ZNF624: variants seen among roughly 807,000 people sequenced by gnomAD.
The protein encoded by ZNF624 is zinc finger protein 624.
ZNF624 carries 43 observed loss-of-function variants against 74.7 expected under a neutral mutation model. The ratio of observed to expected loss-of-function variants is 0.58; its 90% confidence interval spans 0.45 to 0.74. The LOEUF (loss-of-function observed/expected upper bound fraction) is 0.74, where lower values mean the gene tolerates loss of function less well. ZNF624 is among the 30% of genes least tolerant of loss of function. The pLI is 0.00. For missense variants in ZNF624, 820 were observed against 1,030.0 expected (o/e 0.80, Z 2.79); for synonymous variants, 331 against 341.3 (o/e 0.97, Z 0.33).
chr17:16,652,293 G>A (rs1157089222), intron 1 of ZNF624, among the ~76,000 whole-genome samples: 2 of 151,996 alleles, frequency 1.3e-5, no homozygotes, highest in Non-Finnish European at 2.9e-5. Flanking sequence ...AGTTTTACAA[G>A]GTTGCAAAGA....
chr17:16,617,653 G>C, downstream of ZNF624: 2 of 1,606,612 alleles, frequency 1.2e-6, no homozygotes, highest in South Asian at 1.1e-5. Flanking sequence ...TAGCTGTCGC[G>C]ATTGCGACGC....
chr17:16,630,810 A>C (rs553884546), intron 5 of ZNF624, among the ~76,000 whole-genome samples: 5 of 150,994 alleles, frequency 3.3e-5, no homozygotes, highest in African/African-American at 1.2e-4. Flanking sequence ...TTTACATAAT[A>C]ACACAGCTTC....
At chr17:16,633,622 A>C (rs1450190476) in intron 5 of ZNF624, among the ~76,000 whole-genome samples, 2 of 152,158 alleles carry the variant, frequency 1.3e-5, no homozygotes, top group Non-Finnish European at 2.9e-5. Context: ...AATAATAATT[A>C]CGAAAAGCAC....
intron 1 of ZNF624, among the ~76,000 whole-genome samples, chr17:16,652,539 A>C (rs1354520290): frequency 6.6e-6 from 1 of 152,020 alleles, no homozygotes; most frequent in African/African-American, 2.4e-5. Context: ...ACATATGTTT[A>C]ACAACCAAAC....
chr17:16,633,736 G>A (rs1227895149), intron 5 of ZNF624, 126 bp downstream of exon 5: 11 of 649,676 alleles, frequency 1.7e-5, no homozygotes, highest in Non-Finnish European at 2.8e-5. Flanking sequence ...TGAGATGGGG[G>A]ATCTCTTCCT....
At chr17:16,620,260 C>T (rs1318061960), downstream of ZNF624, among the ~76,000 whole-genome samples, 1 of 152,148 alleles carries the variant, frequency 6.6e-6, no homozygotes, top group Admixed American at 6.5e-5. Context: ...TTACTCTAGG[C>T]CCCTCCTAGC....
At chr17:16,636,009 C>A (rs1254493692) in intron 3 of ZNF624, among the ~76,000 whole-genome samples, 1 of 152,106 alleles carries the variant, frequency 6.6e-6, no homozygotes, top group Non-Finnish European at 1.5e-5. Context: ...GGAACCAGGG[C>A]CTAGAATACC....
rs183382259 is a variant in ZNF624 at position 16,644,158 on chromosome 17, T to C, written c.153+3171A>G. Among the ~76,000 whole-genome samples, 325 of 152,332 alleles carry C rather than the reference T, an allele frequency of 2.1e-3. 2 individuals carry two copies. Among genetic ancestry groups the C allele is most frequent in the African/African-American group, 7.5e-3 (311 of 41,572 alleles). ...TGAGGCCCTCACAAGATGCAGATAC[T>C]GGCAGTATGCTTCTTGTACAAACTG... On this transcript the variant is annotated intron_variant, in intron 3 of 5. Coordinates refer to ENST00000311331, the MANE Select transcript of ZNF624 (RefSeq NM_020787.4).
At chr17:16,619,230 G>A (rs1908852589), downstream of ZNF624, among the ~76,000 whole-genome samples, 1 of 152,172 alleles carries the variant, frequency 6.6e-6, no homozygotes, top group Non-Finnish European at 1.5e-5. Context: ...ATTAATTTCA[G>A]ATGGATCATA....
At chr17:16,624,907 T>TA (rs1909031965) in intron 5 of ZNF624, 1 of 154,630 alleles carries the variant, frequency 6.5e-6, no homozygotes, top group Admixed American at 6.9e-5. Flanking sequence ...CATGGTGGTG[T>TA]GCACCTGTAG....
chr17:16,629,354 T>G (rs1909153363), intron 5 of ZNF624, among the ~76,000 whole-genome samples: 1 of 150,968 alleles, frequency 6.6e-6, no homozygotes, highest in Non-Finnish European at 1.5e-5. Flanking sequence ...GATGGGGTTT[T>G]GCCATGTTTC....
intron 5 of ZNF624, among the ~76,000 whole-genome samples, chr17:16,626,459 A>G (rs905928801): frequency 6.6e-6 from 1 of 152,220 alleles, no homozygotes; most frequent in Admixed American, 6.5e-5. Flanking sequence ...GCTCTCAGAA[A>G]AAAAGCTATA....
At chr17:16,646,946 T>C (rs1410667235) in intron 3 of ZNF624, among the ~76,000 whole-genome samples, 1 of 152,214 alleles carries the variant, frequency 6.6e-6, no homozygotes, top group Non-Finnish European at 1.5e-5. Context: ...ATGAAGTGGA[T>C]TCACTACTCA....
At chr17:16,649,001 T>C in intron 2 of ZNF624, among the ~76,000 whole-genome samples, 1 of 152,226 alleles carries the variant, frequency 6.6e-6, no homozygotes, top group South Asian at 2.1e-4. Context: ...TTATGAACTT[T>C]CTATGACCAG....
chr17:16,625,251 G>A (rs1373132359), intron 5 of ZNF624, among the ~76,000 whole-genome samples: 7 of 150,694 alleles, frequency 4.6e-5, no homozygotes, highest in African/African-American at 1.7e-4. Context: ...GCATGATCTC[G>A]GCTCACTGCA....
intron 3 of ZNF624, among the ~76,000 whole-genome samples, chr17:16,643,784 G>C (rs1240042194): frequency 6.6e-6 from 1 of 152,224 alleles, no homozygotes; most frequent in Non-Finnish European, 1.5e-5. Flanking sequence ...GGTTTGTGTT[G>C]TGTGAAGAAC....
At chr17:16,644,775 A>G (rs1264144862) in intron 3 of ZNF624, among the ~76,000 whole-genome samples, 1 of 152,246 alleles carries the variant, frequency 6.6e-6, no homozygotes, top group Admixed American at 6.5e-5. Context: ...TTCTAAAGTC[A>G]TTCTGCAGCT....
At chr17:16,636,693 G>A (rs957599145) in intron 3 of ZNF624, among the ~76,000 whole-genome samples, 1 of 152,052 alleles carries the variant, frequency 6.6e-6, no homozygotes, top group African/African-American at 2.4e-5. Context: ...AAAATTAGCC[G>A]GGTGTGGTGG....
downstream of ZNF624, among the ~76,000 whole-genome samples, chr17:16,619,882 G>A (rs1354764079): frequency 6.6e-6 from 1 of 152,216 alleles, no homozygotes; most frequent in Non-Finnish European, 1.5e-5. Flanking sequence ...GGCACCATGC[G>A]ATGTCAACTC....
Sources: gnomAD v4.1 joint callset for allele counts (sites outside exome capture counted in the v4.1 genomes callset) on GRCh38, gnomAD v4.1.1 for gene constraint, MANE v1.5 for transcripts, NCBI Gene and HGNC (gene_info 2026-07-23, HGNC 2026-07-21) for gene names.